SSX3: variants seen among roughly 807,000 people sequenced by gnomAD.
SSX3 encodes SSX family member 3, also known as protein SSX3.
In SSX3, 6 loss-of-function variants were observed where a neutral mutation model predicts 14.8. The observed-to-expected ratio is 0.41, with a 90% CI of 0.22 to 0.80. The LOEUF is 0.80. Among genes scored for constraint, SSX3 ranks in the 30% least tolerant of loss-of-function variants. The probability of loss-of-function intolerance (pLI) is 0.34; values close to 1 mark genes in which losing one functional copy is unlikely to be tolerated. For missense variants in SSX3, 163 were observed against 152.2 expected, an observed-to-expected ratio of 1.07 and a Z score of -0.37; for synonymous variants, 55 against 52.9, an observed-to-expected ratio of 1.04 and a Z score of -0.18.
At chrX:48,349,551 G>A in intron 6 of SSX3, 1 of 1,209,605 alleles carries the variant, frequency 8.3e-7, no homozygotes. Flanking sequence ...TTATTGCAGT[G>A]GTCTGGAACC....
At position 48,349,650 on chromosome X, in the gene SSX3, C is replaced by T. The variant is rs7888067; in HGVS notation, c.466+337G>A. 10,285 of 1,190,475 alleles carry T rather than the reference C, an allele frequency of 8.6e-3. 609 individuals are homozygous for T. In the African/African-American group the frequency reaches 0.16, roughly 19 times the overall value. ...GATCCCAGGTTATCACAGATAGAAT[C>T]GCTTGAGCACCTTTCATGTCATCAG... On this transcript the variant is annotated intron_variant, in intron 6 of 7. Transcript: ENST00000298396.
chrX:48,348,463 T>C (rs1434052250), intron 6 of SSX3: 27 of 514,546 alleles, frequency 5.2e-5, no homozygotes, highest in African/African-American at 1.2e-4. Context: ...GACACAGCAA[T>C]ACTGAAATGA....
At chrX:48,348,248 T>G in intron 6 of SSX3, 1 of 459,469 alleles carries the variant, frequency 2.2e-6, no homozygotes, top group Non-Finnish European at 3.9e-6. Context: ...AAACAATCCA[T>G]TTATGCTCTT....
chrX:48,352,295 T>G, intron 4 of SSX3, 146 bp from the exon 5 acceptor site: 1 of 722,014 alleles, frequency 1.4e-6, no homozygotes, highest in Non-Finnish European at 2.1e-6. Context: ...TTCTGAATTA[T>G]GTTTAGTCAT....
intron 1 of SSX3, among the ~76,000 whole-genome samples, chrX:48,355,752 T>G (rs5906649): frequency 0.29 from 32,419 of 110,468 alleles, 3,563 homozygotes; most frequent in Middle Eastern, 0.4. Context: ...TGAAGAGAAA[T>G]GAGCATCGCT....
chrX:48,347,525 A>T lies in SSX3; in HGVS notation c.546T>A (p.Asp182Glu). The T allele has an allele frequency of 8.3e-7, 1 of 1,210,202 alleles. No homozygotes were observed. Among genetic ancestry groups the T allele is most frequent in the African/African-American group, 1.7e-5 (1 of 57,802 alleles). The change falls in exon 7 of 8, where the codon GAT (aspartate) becomes GAA (glutamate). Residue 182 changes from aspartate to glutamate, a missense_variant. Coordinates refer to ENST00000298396, the MANE Select transcript of SSX3 (RefSeq NM_021014.4). Reference sequence around the variant, plus strand: ...GGAGTTACTCATCATCTTCCTCAGGATCGCTGATCTCTTCATAAATCACCA... The same window carrying T: ...GGAGTTACTCATCATCTTCCTCAGGTTCGCTGATCTCTTCATAAATCACCA... ...KQLVIYEEIS[D>E]PEEDDE is the part of the protein sequence containing the mutation.
Position 48,352,599 on chromosome X carries a change from A to G in SSX3, c.281-450T>C, listed in dbSNP as rs1165368238. Among the ~76,000 whole-genome samples the G allele has an allele frequency of 4.5e-5, 5 of 112,325 alleles. No homozygotes were observed. In the Admixed American group the frequency reaches 4.7e-4, roughly 11 times the overall value. ...TGGCTCTGAAAGATTTTCAGTACAA[A>G]GACAGTCCTTTAACGTTAAAAACTT... On this transcript the variant is annotated intron_variant, in intron 4 of 7. Coordinates refer to ENST00000298396, the MANE Select transcript of SSX3 (RefSeq NM_021014.4).
At chrX:48,355,910 C>A (rs2061285260) in intron 1 of SSX3, among the ~76,000 whole-genome samples, 3 of 112,064 alleles carry the variant, frequency 2.7e-5, no homozygotes, top group Admixed American at 1.9e-4. Context: ...GGCGCAGTGG[C>A]TCAGGCCTGT....
rs1437052043 is a variant in SSX3, at chrX:48,352,045, C to T, written c.330+55G>A. 3.4e-6 allele frequency: 4 copies of T among 1,170,802 alleles called. No individual in the cohort carries two copies. In the Admixed American group the frequency reaches 6.6e-5, roughly 19 times the overall value. ...ATATTCTCCCACTCTTACCAGTGTT[C>T]GCATCCTTGGAGGGACAAAGGTTCT... On this transcript the variant is annotated intron_variant, in intron 5 of 7. Coordinates refer to ENST00000298396, the MANE Select transcript of SSX3 (RefSeq NM_021014.4).
chrX:48,355,451 C>A (rs1223719746), intron 1 of SSX3, among the ~76,000 whole-genome samples, 182 bp from the exon 2 acceptor site: 2 of 111,054 alleles, frequency 1.8e-5, no homozygotes, highest in Non-Finnish European at 3.8e-5. Flanking sequence ...AACCAGGGGT[C>A]TCTGGGAGAA....
chrX:48,352,920 C>T (rs782498166), intron 4 of SSX3, among the ~76,000 whole-genome samples: 48 of 111,913 alleles, frequency 4.3e-4, no homozygotes, highest in Non-Finnish European at 8.1e-4. Context: ...ATCACTCTTT[C>T]AAACTCTCTT....
intron 2 of SSX3, 76 bp from the exon 3 acceptor site, chrX:48,354,822 G>A (rs1454617378): frequency 8.3e-7 from 1 of 1,197,632 alleles, no homozygotes; most frequent in African/African-American, 1.7e-5. Flanking sequence ...GTCGCTTCCT[G>A]TGTGCTGGAT....
At chrX:48,355,078 C>A in intron 2 of SSX3, 103 bp downstream of exon 2, 1 of 1,205,169 alleles carries the variant, frequency 8.3e-7, no homozygotes, top group East Asian at 3.0e-5. Context: ...TCCCCTGAGA[C>A]CCTGCTCCTT....
chrX:48,348,533 C>T (rs12836477), intron 6 of SSX3: 13 of 464,163 alleles, frequency 2.8e-5, no homozygotes, highest in Non-Finnish European at 4.7e-5. Context: ...GAGTCGCATG[C>T]CTTTCACTCT....
At chrX:48,350,676 C>T (rs1316133940) in intron 5 of SSX3, among the ~76,000 whole-genome samples, 14 of 110,821 alleles carry the variant, frequency 1.3e-4, no homozygotes, top group Non-Finnish European at 2.3e-4. Flanking sequence ...TACCGAGGCA[C>T]CAATTGAATG....
rs1486584398 is a variant in SSX3, at chrX:48,351,421, G to C, written c.330+679C>G. Among the ~76,000 whole-genome samples the C allele has an allele frequency of 2.7e-5, 3 of 112,090 alleles. No homozygotes were observed. The Admixed American group carries it at 2.8e-4, about 11-fold the overall frequency. On this transcript the variant is annotated intron_variant, in intron 5 of 7. Transcript: ENST00000298396. ...GGCCAACAATCAAAGCGATTCCTAA[G>C]CCATGCAAGTGGCCCCAGTAACACA...
intron 7 of SSX3, 149 bp downstream of exon 7, chrX:48,347,351 G>A: frequency 5.3e-6 from 5 of 945,677 alleles, no homozygotes; most frequent in Non-Finnish European, 7.5e-6. Context: ...GAAAGAGCAT[G>A]GGAAATCTCA....
At chrX:48,355,151 C>A in intron 2 of SSX3, 30 bp downstream of exon 2, 2 of 1,206,464 alleles carry the variant, frequency 1.7e-6, no homozygotes, top group South Asian at 1.8e-5. Flanking sequence ...TCCCCTGGGT[C>A]ACTACTCTGC....
At chrX:48,349,820 C>A (rs1463283148) in intron 6 of SSX3, 167 bp downstream of exon 6, 14 of 1,135,451 alleles carry the variant, frequency 1.2e-5, no homozygotes, top group Non-Finnish European at 7.0e-6. Flanking sequence ...GATGACAACT[C>A]CAGTCTGTCT....
Sources: gnomAD v4.1 joint callset for allele counts (sites outside exome capture counted in the v4.1 genomes callset) on GRCh38, gnomAD v4.1.1 for gene constraint, MANE v1.5 for transcripts, NCBI Gene and HGNC (gene_info 2026-07-23, HGNC 2026-07-21) for gene names.